PEDS1: variants seen among roughly 807,000 people sequenced by gnomAD.
PEDS1 encodes the protein plasmanylethanolamine desaturase 1, also known as CarF homolog.
Under a neutral mutation model 35.2 loss-of-function variants are expected in PEDS1, and 14 were observed. The ratio of observed to expected loss-of-function variants is 0.40; its 90% CI spans 0.26 to 0.62. PEDS1 has a LOEUF of 0.62. PEDS1 is among the 20% of genes least tolerant of loss of function. PEDS1 has a pLI of 0.44. For synonymous variants in PEDS1, 152 were observed against 152.0 expected (o/e 1.00, Z 0.00); for missense variants, 260 against 367.8 (o/e 0.71, Z 2.40).
chr20:50,139,493 C>T (rs184016405), intron 2 of PEDS1, among the ~76,000 whole-genome samples: 2 of 151,770 alleles, frequency 1.3e-5, no homozygotes, highest in Admixed American at 1.3e-4. Flanking sequence ...CCTGCAAGCC[C>T]TCCCTGGTTC....
In PEDS1 at chr20:50,128,204, G is replaced by C. The variant is rs370448658; in HGVS notation, c.479-17C>G. ...CCAGGGCTTCTGCAGGTTGGGGAGA[G>C]GGGGGGCCGGCACAGCTGTCACTCG... On this transcript the variant is annotated splice_polypyrimidine_tract_variant and intron_variant, in intron 4 of 5. Coordinates refer to ENST00000371652, the MANE Select transcript of PEDS1 (RefSeq NM_199129.4). The surrounding 1 kb of genome is among the most constrained non-coding windows in gnomAD (Gnocchi z 5.2). The C allele has an allele frequency of 1.2e-4, 195 of 1,612,036 alleles. No homozygotes were observed. The highest frequency in any genetic ancestry group is 1.5e-4 in the Admixed American group (9 of 59,960).
intron 3 of PEDS1, among the ~76,000 whole-genome samples, chr20:50,130,360 T>G (rs1392738383): frequency 6.6e-6 from 1 of 152,108 alleles, no homozygotes; most frequent in Non-Finnish European, 1.5e-5. Flanking sequence ...GGCCACCTTA[T>G]GAGGGGAAAG....
rs2081059089 is a variant in PEDS1, at chr20:50,122,411, T to A, written c.*2647A>T. On this transcript the variant is annotated 3_prime_UTR_variant, in exon 6 of 6. Transcript: ENST00000371652. ...GCATTATGGGTCACGTTTTAAAAAA[T>A]AAATGTCATGGCTGGACGCAGTGGC... 6.6e-6 allele frequency: 1 copy of A among 152,138 alleles called. No homozygotes were observed. The highest frequency in any genetic ancestry group is 1.9e-4 in the East Asian group (1 of 5,192). 9.4% of individuals were successfully genotyped at this position (152,138 alleles called of 1,614,324 possible).
At chr20:50,145,255 C>A (rs2081333986) in intron 1 of PEDS1, among the ~76,000 whole-genome samples, 2 of 151,836 alleles carry the variant, frequency 1.3e-5, no homozygotes, top group African/African-American at 4.8e-5. Flanking sequence ...AGGGGTTAGG[C>A]CCAGTGGCTT....
chr20:50,148,017 G>A (rs980092380), intron 1 of PEDS1, among the ~76,000 whole-genome samples: 2 of 152,198 alleles, frequency 1.3e-5, no homozygotes, highest in African/African-American at 4.8e-5. Context: ...GTGAACCCAG[G>A]AGGCAGAGGT....
rs1035255826 is a variant in PEDS1, at chr20:50,119,220, C to G, written c.*5838G>C. 6.6e-6 allele frequency: 1 copy of G among 151,956 alleles called. No homozygotes were observed. Among genetic ancestry groups the G allele is most frequent in the African/African-American group, 2.4e-5 (1 of 41,340 alleles). 9.4% of individuals were successfully genotyped at this position (151,956 alleles called of 1,614,324 possible). ...CTGAGGCAGGAGGATTGCTTGAGCA[C>G]AGGAGTTTGAGACGAGTCTGGGCAA... On this transcript the variant is annotated 3_prime_UTR_variant, in exon 6 of 6. Coordinates refer to ENST00000371652, the MANE Select transcript of PEDS1 (RefSeq NM_199129.4).
In PEDS1 at chr20:50,129,446, A is replaced by G. The variant is rs1019598339; in HGVS notation, c.478+100T>C. 1.6e-5 allele frequency: 23 copies of G among 1,479,146 alleles called. No homozygotes were observed. In the African/African-American group the frequency reaches 1.7e-4, roughly 11 times the overall value. 91.6% of individuals were successfully genotyped at this position (1,479,146 alleles called of 1,614,324 possible). The stretch of plus-strand genomic sequence containing the variant: ...GACAATGAATGAAAACTCTTTTAAA[A>G]TACCATAAGGAGCCAAACACATAAG... On this transcript the variant is annotated intron_variant, in intron 4 of 5. Transcript: ENST00000371652. The surrounding 1 kb of genome is among the most constrained non-coding windows in gnomAD (Gnocchi z 4.2).
intron 1 of PEDS1, among the ~76,000 whole-genome samples, chr20:50,147,681 A>G (rs1044974050): frequency 1.3e-5 from 2 of 152,188 alleles, no homozygotes; most frequent in African/African-American, 2.4e-5. Flanking sequence ...ATATTTTTCC[A>G]TCTAAACTCC....
chr20:50,128,839 G>T lies in PEDS1; in HGVS notation c.479-652C>A, dbSNP rs2081141574. On this transcript the variant is annotated intron_variant, in intron 4 of 5. Coordinates refer to ENST00000371652, the MANE Select transcript of PEDS1 (RefSeq NM_199129.4). The surrounding 1 kb of genome is among the most constrained non-coding windows in gnomAD (Gnocchi z 5.2). Reference sequence around the variant, plus strand: ...GCTCCAGCCTTATCCCAAGGAGACAGGTGGGACCTCCCCTCCATCCCTGGA... The same window carrying T: ...GCTCCAGCCTTATCCCAAGGAGACATGTGGGACCTCCCCTCCATCCCTGGA... Among the ~76,000 whole-genome samples the T allele has an allele frequency of 6.6e-6, 1 of 152,208 alleles. No homozygotes were observed. Among genetic ancestry groups the T allele is most frequent in the African/African-American group, 2.4e-5 (1 of 41,454 alleles).
rs3092037 is a variant in PEDS1 at position 50,120,100 on chromosome 20, T to TA, written c.*4957dup. The TA allele has an allele frequency of 1.3e-3, 195 of 145,232 alleles. No homozygotes were observed. Among genetic ancestry groups the TA allele is most frequent in the African/African-American group, 2.3e-3 (90 of 39,098 alleles). The allele number at this position is 145,232 out of a possible 1,614,324, so 9.0% of individuals were successfully genotyped here. The stretch of plus-strand genomic sequence containing the variant: ...GGGCAACATAGCGAGACCCCATCTC[T>TA]AAAAAAAAAAAAAAATTAGCTGGAT... On this transcript the variant is annotated 3_prime_UTR_variant, in exon 6 of 6. Transcript: ENST00000371652.
In PEDS1 at chr20:50,124,094, G is replaced by A. The variant is rs1300668049; in HGVS notation, c.*964C>T. The A allele has an allele frequency of 6.6e-6, 1 of 152,630 alleles. No homozygotes were observed. The highest frequency in any genetic ancestry group is 1.5e-5 in the Non-Finnish European group (1 of 68,056). The allele number at this position is 152,630 out of a possible 1,614,324, so 9.5% of individuals were successfully genotyped here. On this transcript the variant is annotated 3_prime_UTR_variant, in exon 6 of 6. Coordinates refer to ENST00000371652, the MANE Select transcript of PEDS1 (RefSeq NM_199129.4). ...GGGGGGAGCTGGGAATGGGGCGAGAGTGGGGCCTCACGTCCCAGGCTCCTT... is the reference window on the plus strand; with the variant it reads ...GGGGGGAGCTGGGAATGGGGCGAGAATGGGGCCTCACGTCCCAGGCTCCTT...
Position 50,153,679 on chromosome 20 carries a change from G to T in PEDS1, c.-42C>A. The T allele has an allele frequency of 8.3e-7, 1 of 1,207,334 alleles. No homozygotes were observed. Among genetic ancestry groups the T allele is most frequent in the Non-Finnish European group, 1.0e-6 (1 of 972,466 alleles). 74.8% of individuals were successfully genotyped at this position (1,207,334 alleles called of 1,614,324 possible). On this transcript the variant is annotated 5_prime_UTR_variant, in exon 1 of 6. Coordinates refer to ENST00000371652, the MANE Select transcript of PEDS1 (RefSeq NM_199129.4). ...GGCCCGGTGCGCTCTGCTGGCGGCG[G>T]CGGCGGCAGGGCCGCGGAACCGCGG... is the stretch of plus-strand genomic sequence containing the variant.
At position 50,119,933 on chromosome 20, in the gene PEDS1, C is replaced by T. The variant is rs1474734784; in HGVS notation, c.*5125G>A. On this transcript the variant is annotated 3_prime_UTR_variant, in exon 6 of 6. Coordinates refer to ENST00000371652, the MANE Select transcript of PEDS1 (RefSeq NM_199129.4). ...CTTTACAAACTGGAATTTGAATTTT[C>T]TGTGTTAGGAAATATTGTTCCCCCT... 6.6e-6 allele frequency: 1 copy of T among 152,090 alleles called. No individual in the cohort carries two copies. The highest frequency in any genetic ancestry group is 2.4e-5 in the African/African-American group (1 of 41,390). 9.4% of individuals were successfully genotyped at this position (152,090 alleles called of 1,614,324 possible). A position where few individuals can be genotyped will look rare whatever the true frequency, so the allele number is the denominator to read the frequency against.
At chr20:50,135,125 C>T (rs1259643131) in intron 2 of PEDS1, among the ~76,000 whole-genome samples, 1 of 152,124 alleles carries the variant, frequency 6.6e-6, no homozygotes, top group Admixed American at 6.6e-5. Flanking sequence ...GCAGAGGCTA[C>T]AGTGAGCAGA....
chr20:50,152,487 T>C (rs916798208), intron 1 of PEDS1, among the ~76,000 whole-genome samples: 2 of 152,124 alleles, frequency 1.3e-5, no homozygotes, highest in Admixed American at 1.3e-4. Context: ...CCTTAACTCC[T>C]GGGGATATAG....
intron 1 of PEDS1, among the ~76,000 whole-genome samples, chr20:50,153,228 C>T (rs1315153441): frequency 6.6e-6 from 1 of 151,970 alleles, no homozygotes; most frequent in Non-Finnish European, 1.5e-5. Flanking sequence ...TGCCCCGGGG[C>T]TAGGATTCCG....
chr20:50,127,098 C>T (rs1394425129), intron 5 of PEDS1, among the ~76,000 whole-genome samples: 1 of 152,186 alleles, frequency 6.6e-6, no homozygotes, highest in Non-Finnish European at 1.5e-5. Flanking sequence ...TTCCTGCTGC[C>T]TAGAGTGCCT....
Position 50,124,902 on chromosome 20 carries a change from A to C in PEDS1, c.*156T>G. ...GAAATGAAAAATCAGTGGCTCAAGT[A>C]TTCTGTGTCATGAGGGGTGGGCTGG... On this transcript the variant is annotated 3_prime_UTR_variant, in exon 6 of 6. Transcript: ENST00000371652. The C allele has an allele frequency of 1.1e-6, 1 of 913,844 alleles. No individual in the cohort carries two copies. Among genetic ancestry groups the C allele is most frequent in the Non-Finnish European group, 1.6e-6 (1 of 606,128 alleles). 56.6% of individuals were successfully genotyped at this position (913,844 alleles called of 1,614,324 possible). A position where few individuals can be genotyped will look rare whatever the true frequency, so the allele number is the denominator to read the frequency against.
chr20:50,128,234 G>T lies in PEDS1; in HGVS notation c.479-47C>A, dbSNP rs766269630. On this transcript the variant is annotated intron_variant, in intron 4 of 5. Transcript: ENST00000371652. This position sits in a 1 kb window ranked among gnomAD's most constrained non-coding sequence, Gnocchi z 5.2. ...GGCCGGCACAGCTGTCACTCGGGAC[G>T]GGGAACCCACCCCAAATGGCCCTCA... The T allele has an allele frequency of 1.2e-6, 2 of 1,605,788 alleles. No homozygotes were observed. The highest frequency in any genetic ancestry group is 1.1e-5 in the South Asian group (1 of 90,360).
Sources: gnomAD v4.1 joint callset for allele counts (sites outside exome capture counted in the v4.1 genomes callset) on GRCh38, gnomAD v4.1.1 for gene constraint, Gnocchi (gnomAD v3.1) non-coding constraint, MANE v1.5 for transcripts, NCBI Gene and HGNC (gene_info 2026-07-23, HGNC 2026-07-21) for gene names.